HSPA12A: variants seen among roughly 807,000 people sequenced by gnomAD.
HSPA12A encodes the protein heat shock protein family A (Hsp70) member 12A, also known as heat shock 70 kDa protein 12A.
In HSPA12A, 28 loss-of-function variants were observed where a neutral mutation model predicts 69.2. The ratio of observed to expected loss-of-function variants is 0.40; its 90% CI spans 0.30 to 0.55. HSPA12A has a LOEUF of 0.55. HSPA12A is among the 20% of genes least tolerant of loss of function. The pLI, the probability that HSPA12A is intolerant of heterozygous loss-of-function variation, is 0.38. For missense variants in HSPA12A, 686 were observed against 900.7 expected, an observed-to-expected ratio of 0.76 and a Z score of 3.05; for synonymous variants, 345 against 370.5, an observed-to-expected ratio of 0.93 and a Z score of 0.79.
chr10:116,776,333 C>A (rs77243856), intron 2 of HSPA12A, among the ~76,000 whole-genome samples: 2,223 of 152,324 alleles, frequency 0.015, 14 homozygotes, highest in Middle Eastern at 0.048. Context: ...GGTCTCACCC[C>A]CAACAAACCT....
intron 1 of HSPA12A, among the ~76,000 whole-genome samples, chr10:116,835,986 G>C (rs1257910502): frequency 6.6e-6 from 1 of 152,126 alleles, no homozygotes; most frequent in Non-Finnish European, 1.5e-5. Context: ...AGTAAATGGG[G>C]AAAGAGAAAA....
Position 116,726,920 on chromosome 10 carries a change from C to G in HSPA12A, c.40+15510G>C, listed in dbSNP as rs77971137. Among the ~76,000 whole-genome samples the G allele has an allele frequency of 1.3e-4, 20 of 152,310 alleles. No homozygotes were observed. The East Asian group carries it at 3.9e-3, about 29-fold the overall frequency. ...TGACGGATGAAGACCCCAGACTGCA[C>G]AGCAACACCTCCCTCAGATCTCCAT... is the stretch of plus-strand genomic sequence containing the variant. On this transcript the variant is annotated intron_variant, in intron 1 of 11. Transcript: ENST00000369209.
chr10:116,682,802 G>A lies in HSPA12A; in HGVS notation c.836-925C>T, dbSNP rs201269937. Among the ~76,000 whole-genome samples the A allele has an allele frequency of 5.9e-5, 9 of 151,712 alleles. No individual in the cohort carries two copies. The East Asian group carries it at 1.4e-3, about 23-fold the overall frequency. On this transcript the variant is annotated intron_variant, in intron 7 of 11. Coordinates refer to ENST00000369209, the MANE Select transcript of HSPA12A (RefSeq NM_025015.3). The stretch of plus-strand genomic sequence containing the variant: ...TGCAAGCTCCGCCTCCCGGGTTCAC[G>A]CCATTCTCCTGCCTCAGCCTCCCAA...
At chr10:116,707,333 C>G in intron 1 of HSPA12A, 48 bp from the exon 2 acceptor site, 1 of 1,444,500 alleles carries the variant, frequency 6.9e-7, no homozygotes, top group Non-Finnish European at 9.6e-7. Context: ...ATGGACTGAC[C>G]CAGGGGGAAG....
At chr10:116,744,487 C>T (rs958706720), upstream of HSPA12A, among the ~76,000 whole-genome samples, 1 of 152,236 alleles carries the variant, frequency 6.6e-6, no homozygotes, top group South Asian at 2.1e-4. Context: ...GGGCCTTGGG[C>T]GCCACGTGCC....
intron 2 of HSPA12A, among the ~76,000 whole-genome samples, chr10:116,802,986 C>A (rs1844990365): frequency 2.0e-5 from 3 of 152,202 alleles, no homozygotes; most frequent in Admixed American, 1.3e-4. Context: ...GAACAGGGCC[C>A]AAGCCAGCTG....
intron 1 of HSPA12A, among the ~76,000 whole-genome samples, chr10:116,740,468 G>A (rs1005617576): frequency 6.2e-4 from 94 of 152,150 alleles, no homozygotes; most frequent in African/African-American, 2.3e-3. Context: ...TCTTCAGGTT[G>A]GTCTCTGTCC....
chr10:116,773,546 C>T (rs1844262022), intron 2 of HSPA12A, among the ~76,000 whole-genome samples: 1 of 152,212 alleles, frequency 6.6e-6, no homozygotes, highest in South Asian at 2.1e-4. Context: ...CACCTCTGAA[C>T]CTCACCTTGG....
chr10:116,828,622 C>T (rs1047859611), intron 2 of HSPA12A: 1 of 152,138 alleles, frequency 6.6e-6, no homozygotes, highest in Non-Finnish European at 1.5e-5. Context: ...CAGCATGAAA[C>T]AAAAATACAG....
chr10:116,742,448 C>A lies in HSPA12A; in HGVS notation c.22G>T (p.Gly8Cys). Residue 8 changes from glycine (G) to cysteine (C), a missense_variant, in exon 1 of 12, where the codon GGC becomes TGC. Coordinates refer to ENST00000369209, the MANE Select transcript of HSPA12A (RefSeq NM_025015.3). MADKEAG[G>C]SDGPRETAPT... is the part of the protein sequence containing the mutation. ...CGCTCACCTCGGGGCCCGTCGCTGC[C>A]GCCGGCCTCCTTGTCCGCCATGGTC... The A allele has an allele frequency of 7.1e-7, 1 of 1,406,310 alleles. No individual in the cohort carries two copies. Among genetic ancestry groups the A allele is most frequent in the Non-Finnish European group, 9.3e-7 (1 of 1,078,504 alleles). 87.1% of individuals were successfully genotyped at this position (1,406,310 alleles called of 1,614,324 possible).
chr10:116,762,560 C>T (rs1197992732), intron 2 of HSPA12A, among the ~76,000 whole-genome samples: 9 of 152,034 alleles, frequency 5.9e-5, no homozygotes, highest in Admixed American at 2.0e-4. Context: ...TCCTCTTTCT[C>T]GCCTTAGAAA....
chr10:116,774,032 CG>C (rs1844274865), intron 2 of HSPA12A, among the ~76,000 whole-genome samples: 1 of 150,168 alleles, frequency 6.7e-6, no homozygotes, highest in South Asian at 2.1e-4. Flanking sequence ...TTTTTTGAGA[CG>C]GAGTCTCGCT....
At chr10:116,724,471 G>C (rs1179218734) in intron 1 of HSPA12A, among the ~76,000 whole-genome samples, 3 of 152,036 alleles carry the variant, frequency 2.0e-5, no homozygotes, top group African/African-American at 4.8e-5. Context: ...TCTTCTAAAA[G>C]AGAAGACCCC....
At chr10:116,789,281 C>T (rs1308836676) in intron 2 of HSPA12A, among the ~76,000 whole-genome samples, 1 of 151,826 alleles carries the variant, frequency 6.6e-6, no homozygotes, top group Non-Finnish European at 1.5e-5. Context: ...TTTTAGCTTA[C>T]AAAAATATAT....
At chr10:116,846,020 C>T (rs1159348433) in intron 1 of HSPA12A, among the ~76,000 whole-genome samples, 1 of 152,164 alleles carries the variant, frequency 6.6e-6, no homozygotes, top group African/African-American at 2.4e-5. Flanking sequence ...ACTGGAGTGT[C>T]ACTGGAACTT....
intron 2 of HSPA12A, among the ~76,000 whole-genome samples, chr10:116,768,341 G>T (rs78014479): frequency 6.6e-6 from 1 of 152,206 alleles, no homozygotes; most frequent in Non-Finnish European, 1.5e-5. Context: ...CTTGCCAGGG[G>T]CTGTGGGGAG....
chr10:116,814,421 G>A (rs868471020), intron 2 of HSPA12A, among the ~76,000 whole-genome samples: 1 of 152,298 alleles, frequency 6.6e-6, no homozygotes, highest in Middle Eastern at 3.4e-3. Flanking sequence ...TTGCTCACCT[G>A]TGACATATCT....
chr10:116,671,473 T>A lies in HSPA12A; in HGVS notation c.*3308A>T, dbSNP rs1312130797. 1 of 152,364 alleles carries A rather than the reference T, an allele frequency of 6.6e-6. No individual in the cohort carries two copies. Among genetic ancestry groups the A allele is most frequent in the African/African-American group, 2.4e-5 (1 of 41,452 alleles). The allele number at this position is 152,364 out of a possible 1,614,324, so 9.4% of individuals were successfully genotyped here. A position where few individuals can be genotyped will look rare whatever the true frequency, so the allele number is the denominator to read the frequency against. The stretch of plus-strand genomic sequence containing the variant: ...AGCTATACATCTCTACAATGTGAAA[T>A]TCGATCTTTGACTAATAATGCATTC... On this transcript the variant is annotated 3_prime_UTR_variant, in exon 12 of 12. Transcript: ENST00000369209.
At chr10:116,743,065 C>T (rs1236768897), upstream of HSPA12A, among the ~76,000 whole-genome samples, 6 of 116,326 alleles carry the variant, frequency 5.2e-5, no homozygotes, top group Admixed American at 8.1e-5. Context: ...GACCCCGGCG[C>T]GGGCAGGACC....
Sources: gnomAD v4.1 joint callset for allele counts (sites outside exome capture counted in the v4.1 genomes callset) on GRCh38, gnomAD v4.1.1 for gene constraint, MANE v1.5 for transcripts, NCBI Gene and HGNC (gene_info 2026-07-23, HGNC 2026-07-21) for gene names.